The following SH3KBP1 variants were observed in gnomAD, a reference collection of about 807,000 sequenced individuals.
SH3KBP1 encodes SH3 domain containing kinase binding protein 1, also known as SH3 domain-containing kinase-binding protein 1.
In SH3KBP1, 8 loss-of-function variants were observed where a neutral mutation model predicts 50.1. The observed-to-expected ratio is 0.16, with a 90% CI of 0.09 to 0.29. The LOEUF (loss-of-function observed/expected upper bound fraction) is 0.29, where lower values mean the gene tolerates loss of function less well. SH3KBP1 is among the 10% of genes least tolerant of loss of function. SH3KBP1 has a pLI of 1.00. For synonymous variants in SH3KBP1, 227 were observed against 218.6 expected (o/e 1.04, Z -0.34); for missense variants, 377 against 535.2 (o/e 0.70, Z 2.92).
At chrX:19,607,694 G>A (rs1202903725) in intron 9 of SH3KBP1, among the ~76,000 whole-genome samples, 1 of 111,995 alleles carries the variant, frequency 8.9e-6, no homozygotes, top group African/African-American at 3.2e-5. Flanking sequence ...GCTGCACCGA[G>A]TGCTTTACAC....
chrX:19,874,295 G>A (rs927443397), intron 1 of SH3KBP1, among the ~76,000 whole-genome samples: 1 of 97,494 alleles, frequency 1.0e-5, no homozygotes, highest in Non-Finnish European at 2.0e-5. Context: ...GAGAGAAGAG[G>A]GGTTGAGGGA....
intron 7 of SH3KBP1, among the ~76,000 whole-genome samples, chrX:19,641,594 C>T (rs1225342177): frequency 8.9e-6 from 1 of 111,896 alleles, no homozygotes; most frequent in Non-Finnish European, 1.9e-5. Flanking sequence ...TCTCATCGTG[C>T]ATGAGGGCTT....
At chrX:19,869,831 T>C (rs955178363) in intron 1 of SH3KBP1, among the ~76,000 whole-genome samples, 2 of 112,510 alleles carry the variant, frequency 1.8e-5, no homozygotes, top group African/African-American at 6.5e-5. Context: ...ACTCAGTTCT[T>C]GAGAACATAT....
intron 3 of SH3KBP1, among the ~76,000 whole-genome samples, chrX:19,718,364 G>A (rs756383962): frequency 1.8e-5 from 2 of 111,592 alleles, no homozygotes; most frequent in Non-Finnish European, 3.8e-5. Flanking sequence ...CTCAAAAAAA[G>A]ATACAAATGA....
At chrX:19,782,192 T>C (rs989995474) in intron 2 of SH3KBP1, among the ~76,000 whole-genome samples, 1 of 110,764 alleles carries the variant, frequency 9.0e-6, no homozygotes, top group Non-Finnish European at 1.9e-5. Flanking sequence ...GAGGAGAAGA[T>C]GGACAGAGGA....
chrX:19,670,953 G>A (rs886222560), intron 6 of SH3KBP1: 29 of 1,124,310 alleles, frequency 2.6e-5, no homozygotes, highest in African/African-American at 3.8e-5. Context: ...CCAACAGCAC[G>A]GAGCCTGAGG....
intron 4 of SH3KBP1, among the ~76,000 whole-genome samples, chrX:19,696,071 C>T (rs2063905375): frequency 8.9e-6 from 1 of 111,867 alleles, no homozygotes; most frequent in Non-Finnish European, 1.9e-5. Flanking sequence ...TGACTCATCA[C>T]CAAACAAACC....
rs886379323 is a variant in SH3KBP1, at chrX:19,657,438, G to C, written c.727-11963C>G. Among the ~76,000 whole-genome samples, 4 of 107,529 alleles carry C rather than the reference G, an allele frequency of 3.7e-5. No individual in the cohort carries two copies. The East Asian group carries it at 1.2e-3, about 31-fold the overall frequency. 93.4% of individuals were successfully genotyped at this position (107,529 alleles called of 115,157 possible). A position where few individuals can be genotyped will look rare whatever the true frequency, so the allele number is the denominator to read the frequency against. On this transcript the variant is annotated intron_variant, in intron 6 of 17. Coordinates refer to ENST00000397821, the MANE Select transcript of SH3KBP1 (RefSeq NM_031892.3). Reference sequence around the variant, plus strand: ...TCGAATATTATTCAGCCTTAAAAAGGAAGGAAATTGGCCGGGCATGGTGGC... The same window carrying C: ...TCGAATATTATTCAGCCTTAAAAAGCAAGGAAATTGGCCGGGCATGGTGGC...
At chrX:19,736,870 T>C (rs1320875743) in intron 3 of SH3KBP1, among the ~76,000 whole-genome samples, 1 of 109,968 alleles carries the variant, frequency 9.1e-6, no homozygotes. Context: ...ATGCAACAAA[T>C]GCAACCAGCA....
At chrX:19,824,053 C>T (rs1261852184) in intron 2 of SH3KBP1, among the ~76,000 whole-genome samples, 8 of 111,260 alleles carry the variant, frequency 7.2e-5, no homozygotes, top group Non-Finnish European at 1.1e-4. Flanking sequence ...CTTCTGACCT[C>T]AAGTGATTCG....
Position 19,883,279 on chromosome X carries a change from G to A in SH3KBP1, c.4+4028C>T, listed in dbSNP as rs753952288. On this transcript the variant is annotated intron_variant, in intron 1 of 17. Transcript: ENST00000397821. Reference sequence around the variant, plus strand: ...GGCCTGGGGCCACCCTCTGAGAAGCGCTGCATTAGAGGCTCTCCTTCTCTA... The same window carrying A: ...GGCCTGGGGCCACCCTCTGAGAAGCACTGCATTAGAGGCTCTCCTTCTCTA... 8.0e-5 allele frequency among the ~76,000 whole-genome samples: 9 copies of A among 112,584 alleles called. No individual in the cohort carries two copies. In the South Asian group the frequency reaches 1.1e-3, roughly 14 times the overall value.
intron 2 of SH3KBP1, among the ~76,000 whole-genome samples, chrX:19,821,273 C>T (rs2067517030): frequency 9.0e-6 from 1 of 110,931 alleles, no homozygotes; most frequent in African/African-American, 3.3e-5. Flanking sequence ...CATCTGTAAT[C>T]CCAGCTACTC....
intron 2 of SH3KBP1, among the ~76,000 whole-genome samples, chrX:19,755,208 A>T (rs1418376340): frequency 9.0e-6 from 1 of 110,903 alleles, no homozygotes; most frequent in East Asian, 2.8e-4. Context: ...CCTCTACTAA[A>T]GATACAAAAA....
intron 8 of SH3KBP1, among the ~76,000 whole-genome samples, chrX:19,612,915 C>T (rs759924063): frequency 8.9e-6 from 1 of 111,812 alleles, no homozygotes; most frequent in Non-Finnish European, 1.9e-5. Context: ...ACTTGCTGAG[C>T]GTAAAGGAAG....
chrX:19,823,959 T>C (rs1269594550), intron 2 of SH3KBP1, among the ~76,000 whole-genome samples: 3 of 111,451 alleles, frequency 2.7e-5, no homozygotes, highest in African/African-American at 9.8e-5. Flanking sequence ...TAGCTGGGAC[T>C]ACAGGCATGG....
chrX:19,832,489 A>T (rs1008484175), intron 2 of SH3KBP1, among the ~76,000 whole-genome samples: 6 of 111,728 alleles, frequency 5.4e-5, no homozygotes, highest in Non-Finnish European at 1.1e-4. Context: ...CCAAGGTGGT[A>T]GCCAGGGACT....
At chrX:19,781,603 G>C (rs2066181981) in intron 2 of SH3KBP1, among the ~76,000 whole-genome samples, 1 of 106,060 alleles carries the variant, frequency 9.4e-6, no homozygotes, top group African/African-American at 3.5e-5. Flanking sequence ...GGGTGACAGA[G>C]TGGGACTCGG....
intron 2 of SH3KBP1, among the ~76,000 whole-genome samples, chrX:19,808,793 C>T (rs1320416738): frequency 8.9e-6 from 1 of 112,211 alleles, no homozygotes; most frequent in South Asian, 3.7e-4. Flanking sequence ...TTGAAATGGT[C>T]GTTTGCTCTG....
intron 2 of SH3KBP1, among the ~76,000 whole-genome samples, chrX:19,828,470 C>A (rs2067759207): frequency 9.2e-6 from 1 of 109,197 alleles, no homozygotes; most frequent in African/African-American, 3.4e-5. Flanking sequence ...CCCAGGAGTT[C>A]AAGACCAGCT....
Sources: gnomAD v4.1 joint callset for allele counts (sites outside exome capture counted in the v4.1 genomes callset) on GRCh38, gnomAD v4.1.1 for gene constraint, MANE v1.5 for transcripts, NCBI Gene and HGNC (gene_info 2026-07-23, HGNC 2026-07-21) for gene names.